The following SLC14A2 variants were observed in gnomAD, a reference collection of about 807,000 sequenced individuals.
SLC14A2 encodes the protein urea transporter 2.
SLC14A2 carries 91 observed loss-of-function variants against 104.6 expected under a neutral mutation model. That is an observed-to-expected ratio of 0.87 (90% CI 0.73 to 1.04). The LOEUF is 1.04. Among genes scored for constraint, SLC14A2 ranks in the 50% least tolerant of loss-of-function variants. The probability of loss-of-function intolerance (pLI) is 0.00; values close to 1 mark genes in which losing one functional copy is unlikely to be tolerated. For missense variants in SLC14A2, 1,189 were observed against 1,156.0 expected (o/e 1.03, Z -0.41); for synonymous variants, 476 against 466.4 (o/e 1.02, Z -0.27).
chr18:45,223,800 C>T (rs756858411), intron 1 of SLC14A2, among the ~76,000 whole-genome samples: 6 of 152,180 alleles, frequency 3.9e-5, no homozygotes, highest in Admixed American at 2.6e-4. Flanking sequence ...CTTTGGAAAC[C>T]CAGAGACCTT....
chr18:45,176,988 T>C, the SLC14A2 span, among the ~76,000 whole-genome samples: 2 of 152,172 alleles, frequency 1.3e-5, no homozygotes, highest in African/African-American at 4.8e-5. Context: ...AATTGCAATC[T>C]TACTAAAAAT....
chr18:45,268,635 A>C (rs926564114), intron 1 of SLC14A2, among the ~76,000 whole-genome samples: 1 of 152,230 alleles, frequency 6.6e-6, no homozygotes, highest in African/African-American at 2.4e-5. Context: ...GGAAGCACCT[A>C]GTATAAGCAA....
upstream of SLC14A2, among the ~76,000 whole-genome samples, chr18:45,612,031 T>G (rs2044981084): frequency 6.6e-6 from 1 of 152,206 alleles, no homozygotes; most frequent in Non-Finnish European, 1.5e-5. Context: ...ATGCTATACT[T>G]CAAGAAAACA....
rs546969507 is a variant in SLC14A2, at chr18:45,624,644, G to A, written c.-21G>A. On this transcript the variant is annotated 5_prime_UTR_variant, in exon 2 of 20. Transcript: ENST00000255226. ...CCTTCCGTCTAGTCCATCGATAGAAGAGTGGCTGTGACCCGAAGGAATGTC... is the reference window on the plus strand; with the variant it reads ...CCTTCCGTCTAGTCCATCGATAGAAAAGTGGCTGTGACCCGAAGGAATGTC... 1.5e-4 allele frequency: 243 copies of A among 1,604,168 alleles called. No homozygotes were observed. In the South Asian group the frequency reaches 2.2e-3, roughly 14 times the overall value.
intron 5 of SLC14A2, chr18:45,634,775 ATG>A (rs752020985): frequency 2.8e-5 from 13 of 456,230 alleles, no homozygotes; most frequent in Non-Finnish European, 4.4e-6. Flanking sequence ...TTAGGCAGAG[ATG>A]TGATGGGATA....
chr18:45,370,373 A>T (rs1363151733), intron 1 of SLC14A2, among the ~76,000 whole-genome samples: 1 of 152,190 alleles, frequency 6.6e-6, no homozygotes, highest in East Asian at 1.9e-4. Context: ...CAACTCTATC[A>T]TCTGCTCCGT....
chr18:45,251,611 C>T (rs2084424275), intron 1 of SLC14A2, among the ~76,000 whole-genome samples: 1 of 152,170 alleles, frequency 6.6e-6, no homozygotes, highest in Non-Finnish European at 1.5e-5. Context: ...TCTTTTGAGG[C>T]CTGTCTCCTA....
At chr18:45,575,693 C>A (rs757598843) in intron 2 of SLC14A2, among the ~76,000 whole-genome samples, 10 of 152,140 alleles carry the variant, frequency 6.6e-5, no homozygotes, top group African/African-American at 9.7e-5. Flanking sequence ...CTGGGCTAAT[C>A]AAGACTTCAA....
Position 45,636,294 on chromosome 18 carries a change from C to T in SLC14A2, c.651-696C>T, listed in dbSNP as rs376752875. ...GTGGGGTATTTGGTGTCTAGGGTGG[C>T]TGGTGCCTTCCAGAGGAAACTGAAG... On this transcript the variant is annotated intron_variant, in intron 5 of 19. Coordinates refer to ENST00000255226, the MANE Select transcript of SLC14A2 (RefSeq NM_007163.4). 5.2e-4 allele frequency among the ~76,000 whole-genome samples: 79 copies of T among 152,304 alleles called. 2 individuals are homozygous for T. In the South Asian group the frequency reaches 0.014, roughly 28 times the overall value.
At chr18:45,564,566 A>C (rs2044242168) in intron 2 of SLC14A2, among the ~76,000 whole-genome samples, 1 of 152,198 alleles carries the variant, frequency 6.6e-6, no homozygotes, top group Admixed American at 6.5e-5. Context: ...CCCCAGCTCA[A>C]CTGCCCCTTA....
At chr18:45,584,261 A>C (rs2044537461) in intron 2 of SLC14A2, among the ~76,000 whole-genome samples, 1 of 152,186 alleles carries the variant, frequency 6.6e-6, no homozygotes, top group South Asian at 2.1e-4. Context: ...TCAGGCAGAA[A>C]TGGTACTTGT....
At chr18:45,568,663 C>G (rs912388158) in intron 2 of SLC14A2, among the ~76,000 whole-genome samples, 51 of 152,314 alleles carry the variant, frequency 3.3e-4, no homozygotes, top group African/African-American at 1.2e-3. Context: ...TGTCACCTAG[C>G]CTGCCTGATG....
At chr18:45,315,397 G>A (rs779549703) in intron 1 of SLC14A2, among the ~76,000 whole-genome samples, 7 of 152,108 alleles carry the variant, frequency 4.6e-5, no homozygotes, top group Non-Finnish European at 1.0e-4. Context: ...AAGGAGGGTG[G>A]GGGAGAAAAG....
intron 1 of SLC14A2, among the ~76,000 whole-genome samples, chr18:45,224,882 A>T (rs1478935395): frequency 6.6e-6 from 1 of 152,278 alleles, no homozygotes; most frequent in East Asian, 1.9e-4. Flanking sequence ...TAGTTCTATC[A>T]GTTAAGAATA....
intron 2 of SLC14A2, among the ~76,000 whole-genome samples, chr18:45,503,223 G>T (rs1303334201): frequency 6.6e-6 from 1 of 152,132 alleles, no homozygotes; most frequent in Non-Finnish European, 1.5e-5. Context: ...GGATATTAGG[G>T]CCCTTGTCTA....
At chr18:45,650,059 T>C (rs1286582697) in intron 10 of SLC14A2, among the ~76,000 whole-genome samples, 1 of 152,226 alleles carries the variant, frequency 6.6e-6, no homozygotes, top group African/African-American at 2.4e-5. Context: ...GGAACTCCTA[T>C]ATCCATGTGA....
At chr18:45,215,864 T>C (rs982334337) in intron 1 of SLC14A2, among the ~76,000 whole-genome samples, 4 of 152,214 alleles carry the variant, frequency 2.6e-5, no homozygotes, top group African/African-American at 9.6e-5. Context: ...TCTCTCTGTT[T>C]TGTAATTTAT....
At chr18:45,551,347 T>C (rs894687399) in intron 2 of SLC14A2, among the ~76,000 whole-genome samples, 6 of 152,210 alleles carry the variant, frequency 3.9e-5, no homozygotes, top group African/African-American at 1.4e-4. Context: ...AGGACTGCTC[T>C]GAACTTGTGA....
intron 4 of SLC14A2, among the ~76,000 whole-genome samples, chr18:45,630,173 C>T (rs2045321846): frequency 6.6e-6 from 1 of 152,142 alleles, no homozygotes; most frequent in Non-Finnish European, 1.5e-5. Flanking sequence ...CCATATACAC[C>T]CACAGTGCCT....
Sources: allele counts gnomAD v4.1 joint callset (sites outside exome capture counted in the v4.1 genomes callset), GRCh38; gene constraint gnomAD v4.1.1; transcripts MANE v1.5; gene names NCBI Gene and HGNC (gene_info 2026-07-23, HGNC 2026-07-21).